CCDC178: variants seen among roughly 807,000 people sequenced by gnomAD.
The protein encoded by CCDC178 is coiled-coil domain containing 178.
CCDC178 carries 126 observed loss-of-function variants against 117.4 expected under a neutral mutation model. The ratio of observed to expected loss-of-function variants is 1.07; its 90% CI spans 0.93 to 1.24. The LOEUF is 1.24. Among genes scored for constraint, CCDC178 ranks in the 50% most tolerant of loss-of-function variants. The pLI is 0.00. For missense variants in CCDC178, 1,030 were observed against 986.9 expected, an observed-to-expected ratio of 1.04 and a Z score of -0.59; for synonymous variants, 283 against 313.4, an observed-to-expected ratio of 0.90 and a Z score of 1.02.
chr18:33,304,850 A>G (rs1295454314), intron 11 of CCDC178, among the ~76,000 whole-genome samples: 2 of 152,280 alleles, frequency 1.3e-5, no homozygotes, highest in African/African-American at 4.8e-5. Flanking sequence ...TAAAAGGATA[A>G]AAAGGAAGGC....
At chr18:33,135,267 T>C (rs1484044808) in intron 20 of CCDC178, among the ~76,000 whole-genome samples, 2 of 152,084 alleles carry the variant, frequency 1.3e-5, no homozygotes, top group Admixed American at 6.6e-5. Context: ...AATTTAAAAT[T>C]TTATTTCATT....
At chr18:33,307,280 T>C (rs988200121) in intron 11 of CCDC178, among the ~76,000 whole-genome samples, 1 of 152,102 alleles carries the variant, frequency 6.6e-6, no homozygotes, top group African/African-American at 2.4e-5. Context: ...AAAATGCTGA[T>C]AGTGATATGG....
At chr18:33,016,119 TGAAA>T (rs1307661201) in intron 21 of CCDC178, among the ~76,000 whole-genome samples, 5 of 152,020 alleles carry the variant, frequency 3.3e-5, no homozygotes, top group Non-Finnish European at 7.4e-5. Context: ...GTCAAACTTC[TGAAA>T]GACAAAGAGA....
At chr18:33,355,836 A>G (rs1047146921) in intron 7 of CCDC178, among the ~76,000 whole-genome samples, 1 of 152,146 alleles carries the variant, frequency 6.6e-6, no homozygotes, top group African/African-American at 2.4e-5. Context: ...CTATCAGATC[A>G]CTCAAACACA....
rs762167366 is a variant in CCDC178, at chr18:33,267,293, T to G, written c.1181A>C (p.Glu394Ala). The G allele has an allele frequency of 1.4e-5, 22 of 1,582,768 alleles. No individual in the cohort carries two copies. Among genetic ancestry groups the G allele is most frequent in the African/African-American group, 2.7e-5 (2 of 73,430 alleles). The change falls in exon 13 of 23, where the codon GAA (glutamate) becomes GCA (alanine). Residue 394 changes from glutamate (E) to alanine (A), a missense_variant. Transcript: ENST00000383096. ...NELHSLSKML[E>A]DLRRVYDQLT... The stretch of plus-strand genomic sequence containing the variant: ...TTGGTCATAAACTCTTCTCAAATCT[T>G]CCAGCTAAGAAAGAAGATATACAGA...
chr18:33,072,843 G>C (rs562966191), intron 21 of CCDC178, among the ~76,000 whole-genome samples: 1 of 152,260 alleles, frequency 6.6e-6, no homozygotes, highest in African/African-American at 2.4e-5. Context: ...CTGGCCTCAA[G>C]TGATCTACCC....
At chr18:33,406,495 G>A (rs960692471) in intron 3 of CCDC178, among the ~76,000 whole-genome samples, 3 of 151,764 alleles carry the variant, frequency 2.0e-5, no homozygotes, top group Non-Finnish European at 2.9e-5. Context: ...AATTACATGG[G>A]ACCAAATTTG....
intron 2 of CCDC178, among the ~76,000 whole-genome samples, chr18:33,427,009 A>G (rs2064133589): frequency 6.6e-6 from 1 of 152,258 alleles, no homozygotes; most frequent in South Asian, 2.1e-4. Flanking sequence ...AAGGAGCATA[A>G]TCCTGCCTTA....
intron 22 of CCDC178, among the ~76,000 whole-genome samples, chr18:32,963,806 G>A (rs1010680831): frequency 1.3e-5 from 2 of 152,016 alleles, no homozygotes; most frequent in Non-Finnish European, 2.9e-5. Flanking sequence ...AAGACAGAGA[G>A]TATGTCTTCT....
intron 21 of CCDC178, among the ~76,000 whole-genome samples, chr18:33,050,420 C>T (rs2056726681): frequency 6.6e-6 from 1 of 152,046 alleles, no homozygotes; most frequent in Non-Finnish European, 1.5e-5. Context: ...AAAAATATCA[C>T]TGATAGCGAA....
At chr18:33,316,445 T>A (rs1165270282) in intron 11 of CCDC178, among the ~76,000 whole-genome samples, 4 of 152,068 alleles carry the variant, frequency 2.6e-5, no homozygotes. Context: ...CAGCCTGCCA[T>A]GCCTGAGCCC....
intron 12 of CCDC178, among the ~76,000 whole-genome samples, chr18:33,291,994 G>A (rs778935299): frequency 8.0e-5 from 12 of 150,230 alleles, no homozygotes; most frequent in Non-Finnish European, 1.5e-4. Flanking sequence ...ACTGTGGAGT[G>A]GAGATCACAG....
chr18:33,214,617 A>AT (rs2059143974), intron 19 of CCDC178, among the ~76,000 whole-genome samples: 2 of 152,208 alleles, frequency 1.3e-5, no homozygotes, highest in Admixed American at 1.3e-4. Flanking sequence ...AACAAGGTGG[A>AT]TAAATATCTT....
intron 9 of CCDC178, among the ~76,000 whole-genome samples, chr18:33,345,264 A>G (rs2062875949): frequency 6.6e-6 from 1 of 152,196 alleles, no homozygotes; most frequent in African/African-American, 2.4e-5. Context: ...TTTCAGCTTC[A>G]GGCAGAATCA....
intron 20 of CCDC178, among the ~76,000 whole-genome samples, chr18:33,142,369 C>T (rs2058217513): frequency 6.6e-6 from 1 of 152,158 alleles, no homozygotes; most frequent in Non-Finnish European, 1.5e-5. Context: ...AGTGCTATTA[C>T]TTCTTTTTTA....
chr18:33,231,434 C>T (rs951855775), intron 15 of CCDC178, among the ~76,000 whole-genome samples: 9 of 152,076 alleles, frequency 5.9e-5, no homozygotes, highest in African/African-American at 2.2e-4. Flanking sequence ...TGACATATAC[C>T]AACCAATTGA....
chr18:32,941,133 T>A (rs2144586764), intron 22 of CCDC178, among the ~76,000 whole-genome samples: 1 of 152,030 alleles, frequency 6.6e-6, no homozygotes, highest in South Asian at 2.1e-4. Context: ...GACCTCACAG[T>A]ACCAAGGGCA....
chr18:32,994,182 CTCTTT>C, intron 21 of CCDC178, among the ~76,000 whole-genome samples: 1 of 145,762 alleles, frequency 6.9e-6, no homozygotes, highest in East Asian at 2.0e-4. Context: ...GTTACTAAAT[CTCTTT>C]TCTAACTCCT....
chr18:33,082,759 T>TA (rs1054104837), intron 21 of CCDC178, among the ~76,000 whole-genome samples: 1 of 151,542 alleles, frequency 6.6e-6, no homozygotes, highest in African/African-American at 2.4e-5. Context: ...ATACGTATTC[T>TA]AAAAAAATAA....
Sources: gnomAD v4.1 joint callset for allele counts (sites outside exome capture counted in the v4.1 genomes callset) on GRCh38, gnomAD v4.1.1 for gene constraint, MANE v1.5 for transcripts, NCBI Gene and HGNC (gene_info 2026-07-23, HGNC 2026-07-21) for gene names.